Variants in SYT14 observed in about 807,000 individuals in gnomAD.
The protein encoded by SYT14 is synaptotagmin 14.
SYT14 carries 32 observed loss-of-function variants against 74.2 expected under a neutral mutation model. That is an observed-to-expected ratio of 0.43 (90% CI 0.33 to 0.58). The LOEUF (loss-of-function observed/expected upper bound fraction) is 0.58. Among genes scored for constraint, SYT14 ranks in the 20% least tolerant of loss-of-function variants. The pLI is 0.05. For missense variants in SYT14, 791 were observed against 981.8 expected (o/e 0.81, Z 2.60); for synonymous variants, 298 against 337.7 (o/e 0.88, Z 1.29).
chr1:209,977,390 G>A (rs1041578701), intron 2 of SYT14, among the ~76,000 whole-genome samples: 2 of 152,160 alleles, frequency 1.3e-5, no homozygotes, highest in Admixed American at 1.3e-4. Context: ...AGCTCTTTTA[G>A]GGCAGGCCTG....
chr1:210,156,271 G>T (rs1410137524), intron 8 of SYT14, among the ~76,000 whole-genome samples: 2 of 152,064 alleles, frequency 1.3e-5, no homozygotes, highest in African/African-American at 4.8e-5. Flanking sequence ...AGAGTAATGT[G>T]TTTTGTATCT....
At chr1:210,130,777 G>C (rs986357799) in intron 7 of SYT14, among the ~76,000 whole-genome samples, 1 of 152,054 alleles carries the variant, frequency 6.6e-6, no homozygotes, top group Non-Finnish European at 1.5e-5. Flanking sequence ...TACTCTATGA[G>C]GATATATACA....
chr1:210,154,813 G>T (rs932723364), intron 7 of SYT14, among the ~76,000 whole-genome samples: 5 of 152,112 alleles, frequency 3.3e-5, no homozygotes, highest in Middle Eastern at 3.4e-3. Context: ...ATTATTATTT[G>T]CTTTAATTTA....
At chr1:209,940,532 T>A (rs898598278) in intron 1 of SYT14, among the ~76,000 whole-genome samples, 1 of 152,190 alleles carries the variant, frequency 6.6e-6, no homozygotes, top group African/African-American at 2.4e-5. Context: ...TGCTAAGAGA[T>A]GGATCATCTT....
intron 5 of SYT14, among the ~76,000 whole-genome samples, chr1:210,077,735 C>T (rs1264963094): frequency 6.6e-6 from 1 of 152,074 alleles, no homozygotes; most frequent in East Asian, 1.9e-4. Flanking sequence ...TTTTTTCATA[C>T]CTACCGATAC....
intron 7 of SYT14, among the ~76,000 whole-genome samples, chr1:210,115,065 A>G (rs1248174902): frequency 6.6e-6 from 1 of 151,320 alleles, no homozygotes; most frequent in African/African-American, 2.5e-5. Flanking sequence ...CAGGCATCTC[A>G]GACCATTTGC....
At chr1:209,999,451 T>C (rs1449489438) in intron 2 of SYT14, among the ~76,000 whole-genome samples, 1 of 152,098 alleles carries the variant, frequency 6.6e-6, no homozygotes, top group Non-Finnish European at 1.5e-5. Flanking sequence ...GATACCTGCA[T>C]CCATAGTTTC....
exon 10 of SYT14, chr1:210,163,936 C>G (rs1280590173): frequency 2.2e-6 from 1 of 453,184 alleles, no homozygotes; most frequent in African/African-American, 2.0e-5. Flanking sequence ...CACTTTCATA[C>G]AGTTCTATTA....
chr1:210,052,284 G>C (rs1572217857), intron 5 of SYT14, among the ~76,000 whole-genome samples: 1 of 150,832 alleles, frequency 6.6e-6, no homozygotes, highest in African/African-American at 2.4e-5. Context: ...GCAGTGGCGC[G>C]ATCTCGGCTC....
At chr1:209,938,626 G>A (rs1394572089) in intron 1 of SYT14, among the ~76,000 whole-genome samples, 1 of 152,064 alleles carries the variant, frequency 6.6e-6, no homozygotes, top group African/African-American at 2.4e-5. Flanking sequence ...GACCCCACGG[G>A]ACGGGCTGGG....
chr1:210,012,430 A>G (rs2080102481), intron 2 of SYT14, among the ~76,000 whole-genome samples: 3 of 152,316 alleles, frequency 2.0e-5, no homozygotes, highest in Middle Eastern at 3.4e-3. Context: ...TACAGTAGAG[A>G]GGAGTTGGTC....
At chr1:210,035,665 C>A (rs2080644901) in intron 5 of SYT14, among the ~76,000 whole-genome samples, 1 of 151,922 alleles carries the variant, frequency 6.6e-6, no homozygotes, top group Admixed American at 6.6e-5. Flanking sequence ...TTTCCTAACA[C>A]CATTTATGGA....
At chr1:210,043,890 A>G (rs1457656982) in intron 5 of SYT14, among the ~76,000 whole-genome samples, 1 of 152,186 alleles carries the variant, frequency 6.6e-6, no homozygotes, top group East Asian at 1.9e-4. Flanking sequence ...CTGCAGTTGA[A>G]TCTGTCTCAC....
At position 209,984,225 on chromosome 1, in the gene SYT14, C is replaced by T. The variant is rs76266299; in HGVS notation, c.-485-29408C>T. On this transcript the variant is annotated intron_variant, in intron 2 of 9. Transcript: ENST00000637265. ...TGATTTTAGCGCCAACTAGCCAGTCCAGGTATATGAGCTGATGTCCCCATT... is the reference window on the plus strand; with the variant it reads ...TGATTTTAGCGCCAACTAGCCAGTCTAGGTATATGAGCTGATGTCCCCATT... 6.1e-3 allele frequency among the ~76,000 whole-genome samples: 933 copies of T among 152,274 alleles called. 6 individuals carry two copies. The highest frequency in any genetic ancestry group is 0.018 in the African/African-American group (761 of 41,548).
chr1:210,066,906 T>TA (rs113389266), intron 5 of SYT14, among the ~76,000 whole-genome samples: 49 of 152,192 alleles, frequency 3.2e-4, no homozygotes, highest in African/African-American at 1.1e-3. Flanking sequence ...ACCAGTGTCA[T>TA]AAAAAATTTT....
chr1:209,998,981 AAAC>A (rs1196206874), intron 2 of SYT14, among the ~76,000 whole-genome samples: 25 of 152,298 alleles, frequency 1.6e-4, no homozygotes, highest in African/African-American at 4.6e-4. Context: ...ACAGCAAAGA[AAAC>A]AACAGAGCAA....
chr1:209,946,206 C>T (rs915234273), intron 1 of SYT14, among the ~76,000 whole-genome samples: 5 of 152,096 alleles, frequency 3.3e-5, no homozygotes, highest in African/African-American at 1.2e-4. Context: ...CAATTAATAA[C>T]CCTACAAATG....
chr1:209,991,989 T>C (rs2079697370), intron 2 of SYT14, among the ~76,000 whole-genome samples: 1 of 152,144 alleles, frequency 6.6e-6, no homozygotes, highest in African/African-American at 2.4e-5. Flanking sequence ...GACCTAGCAA[T>C]CTCATTACTT....
At chr1:209,991,145 C>T (rs1458236346) in intron 2 of SYT14, among the ~76,000 whole-genome samples, 4 of 152,064 alleles carry the variant, frequency 2.6e-5, no homozygotes, top group Non-Finnish European at 5.9e-5. Context: ...TGGATTAAAG[C>T]CTTAAATGTA....
Sources: allele counts gnomAD v4.1 joint callset (sites outside exome capture counted in the v4.1 genomes callset), GRCh38; gene constraint gnomAD v4.1.1; transcripts MANE v1.5; gene names NCBI Gene and HGNC (gene_info 2026-07-23, HGNC 2026-07-21).